Variants in KATNAL1 observed in about 807,000 individuals in gnomAD.
KATNAL1 encodes katanin p60 ATPase-containing subunit A-like 1.
Under a neutral mutation model 55.2 loss-of-function variants are expected in KATNAL1, and 32 were observed. The ratio of observed to expected loss-of-function variants is 0.58; its 90% confidence interval spans 0.44 to 0.78. The LOEUF is 0.78. KATNAL1 is among the 30% of genes least tolerant of loss of function. The pLI, the probability that KATNAL1 is intolerant of heterozygous loss-of-function variation, is 0.00. For missense variants in KATNAL1, 466 were observed against 600.9 expected, an observed-to-expected ratio of 0.78 and a Z score of 2.35; for synonymous variants, 193 against 193.6, an observed-to-expected ratio of 1.00 and a Z score of 0.02.
chr13:30,306,680 CA>C (rs1883198124), intron 1 of KATNAL1: 1 of 152,190 alleles, frequency 6.6e-6, no homozygotes, highest in Non-Finnish European at 1.5e-5. Context: ...ATGACTAACC[CA>C]GAAATAAACG....
chr13:30,264,009 T>C (rs911188716), intron 3 of KATNAL1, among the ~76,000 whole-genome samples: 15 of 148,302 alleles, frequency 1.0e-4, no homozygotes, highest in African/African-American at 3.5e-4. Flanking sequence ...AACAGCATGG[T>C]ACTGGTACCA....
intron 6 of KATNAL1, among the ~76,000 whole-genome samples, chr13:30,238,236 C>T (rs1283813749): frequency 6.6e-6 from 1 of 152,210 alleles, no homozygotes; most frequent in East Asian, 1.9e-4. Context: ...ATATTTTCAA[C>T]ATTTACATAG....
intron 1 of KATNAL1, among the ~76,000 whole-genome samples, chr13:30,303,595 G>C (rs185109144): frequency 6.6e-5 from 10 of 152,178 alleles, no homozygotes; most frequent in Admixed American, 6.5e-4. Flanking sequence ...AAATACTCTT[G>C]AGCACATTAA....
chr13:30,300,240 C>A (rs971560733), intron 1 of KATNAL1, among the ~76,000 whole-genome samples: 11 of 152,170 alleles, frequency 7.2e-5, no homozygotes, highest in African/African-American at 2.4e-4. Flanking sequence ...TTCAGTTATA[C>A]TTACAATACA....
chr13:30,260,676 G>A lies in KATNAL1; in HGVS notation c.324-5061C>T, dbSNP rs140814373. The stretch of plus-strand genomic sequence containing the variant: ...GAGAAGGGAAATTTAGAGAAAAAAG[G>A]ATAAAAAGAAATGAGCAAAGCCTCC... On this transcript the variant is annotated intron_variant, in intron 3 of 10. Transcript: ENST00000380615. 1.8e-3 allele frequency among the ~76,000 whole-genome samples: 276 copies of A among 151,788 alleles called. 1 individual carries two copies. Among genetic ancestry groups the A allele is most frequent in the African/African-American group, 6.2e-3 (255 of 41,370 alleles).
At chr13:30,283,943 T>C (rs2079343950) in intron 1 of KATNAL1, among the ~76,000 whole-genome samples, 152 bp from the exon 2 acceptor site, 1 of 151,982 alleles carries the variant, frequency 6.6e-6, no homozygotes, top group South Asian at 2.1e-4. Context: ...CAGCATGATC[T>C]TGACTCACTG....
intron 1 of KATNAL1, among the ~76,000 whole-genome samples, chr13:30,303,912 G>A (rs1000532193): frequency 6.6e-6 from 1 of 152,194 alleles, no homozygotes; most frequent in Non-Finnish European, 1.5e-5. Context: ...GTCAAGTAAA[G>A]TCTAGAACAG....
At chr13:30,211,502 A>G (rs552125303) in intron 9 of KATNAL1, among the ~76,000 whole-genome samples, 5 of 152,342 alleles carry the variant, frequency 3.3e-5, no homozygotes, top group Non-Finnish European at 7.4e-5. Context: ...ATTTGTCCCA[A>G]GCCTTTATAA....
chr13:30,274,903 G>GCACACACACA (rs1232536025), intron 3 of KATNAL1, among the ~76,000 whole-genome samples: 1 of 93,700 alleles, frequency 1.1e-5, no homozygotes, highest in Non-Finnish European at 2.4e-5. Context: ...GCGCGCGCGC[G>GCACACACACA]CGCGCACACA....
chr13:30,267,817 G>GCAGT (rs1879895082), intron 3 of KATNAL1, among the ~76,000 whole-genome samples: 1 of 152,072 alleles, frequency 6.6e-6, no homozygotes, highest in South Asian at 2.1e-4. Flanking sequence ...TAAAGACATG[G>GCAGT]CAGTCCTTCA....
chr13:30,245,938 G>A (rs977117437), intron 4 of KATNAL1, among the ~76,000 whole-genome samples: 5 of 152,244 alleles, frequency 3.3e-5, no homozygotes, highest in African/African-American at 1.2e-4. Context: ...CTCATGGATA[G>A]AAGAATCAAT....
Position 30,240,945 on chromosome 13 carries a change from T to C in KATNAL1, c.620+14A>G, listed in dbSNP as rs762088514. 55 of 1,602,974 alleles carry C rather than the reference T, an allele frequency of 3.4e-5. No individual in the cohort carries two copies. The highest frequency in any genetic ancestry group is 4.5e-5 in the Non-Finnish European group (53 of 1,176,864). On this transcript the variant is annotated intron_variant, in intron 5 of 10. Transcript: ENST00000380615. ...TCTCCTCTACTTTAATTCAATAATT[T>C]GAAAGACTCTAACCAATGAATGCTA...
At chr13:30,264,631 A>G (rs894266326) in intron 3 of KATNAL1, among the ~76,000 whole-genome samples, 7 of 147,598 alleles carry the variant, frequency 4.7e-5, no homozygotes, top group Non-Finnish European at 9.0e-5. Flanking sequence ...AATGCTCATC[A>G]TCACTGGCCA....
At chr13:30,295,600 C>CA (rs1441498412) in intron 1 of KATNAL1, among the ~76,000 whole-genome samples, 2 of 147,986 alleles carry the variant, frequency 1.4e-5, no homozygotes, top group Admixed American at 6.7e-5. Flanking sequence ...CCCATCTCTA[C>CA]AAAAAATTAA....
At chr13:30,230,717 T>C in intron 7 of KATNAL1, 123 bp from the exon 8 acceptor site, 1 of 696,890 alleles carries the variant, frequency 1.4e-6, no homozygotes, top group Non-Finnish European at 2.3e-6. Flanking sequence ...AATGCCATCA[T>C]CTGGTTATGG....
intron 1 of KATNAL1, among the ~76,000 whole-genome samples, chr13:30,284,256 A>C (rs2137540340): frequency 6.6e-6 from 1 of 152,356 alleles, no homozygotes; most frequent in Middle Eastern, 3.4e-3. Flanking sequence ...GGAAGTACAA[A>C]GGAGATTACA....
intron 9 of KATNAL1, among the ~76,000 whole-genome samples, chr13:30,226,754 A>G (rs762349618): frequency 1.3e-5 from 2 of 152,238 alleles, no homozygotes; most frequent in Non-Finnish European, 2.9e-5. Flanking sequence ...TCATTCATGG[A>G]TATTTCAGCA....
chr13:30,244,198 G>A (rs1337658763), intron 4 of KATNAL1, among the ~76,000 whole-genome samples: 1 of 151,180 alleles, frequency 6.6e-6, no homozygotes, highest in Admixed American at 6.6e-5. Context: ...TTCTGTTCCT[G>A]TGTTAGTTTG....
intron 4 of KATNAL1, among the ~76,000 whole-genome samples, chr13:30,247,227 C>T (rs1877881338): frequency 6.6e-6 from 1 of 152,138 alleles, no homozygotes; most frequent in Admixed American, 6.6e-5. Context: ...GTGTGAGAAA[C>T]AACAAAGGAA....
Sources: allele counts gnomAD v4.1 joint callset (sites outside exome capture counted in the v4.1 genomes callset), GRCh38; gene constraint gnomAD v4.1.1; transcripts MANE v1.5; gene names NCBI Gene and HGNC (gene_info 2026-07-23, HGNC 2026-07-21).